Variants in UNC13C observed in about 807,000 individuals in gnomAD.
UNC13C encodes the protein protein unc-13 homolog C.
Under a neutral mutation model 245.4 loss-of-function variants are expected in UNC13C, and 174 were observed. The observed-to-expected ratio is 0.71, with a 90% confidence interval of 0.63 to 0.80. UNC13C has a LOEUF of 0.80. UNC13C is among the 30% of genes least tolerant of loss of function. The pLI is 0.00. For synonymous variants in UNC13C, 992 were observed against 895.1 expected, an observed-to-expected ratio of 1.11 and a Z score of -1.93; for missense variants, 2,829 against 2,602.9, an observed-to-expected ratio of 1.09 and a Z score of -1.89.
chr15:53,915,904 C>A, the UNC13C span, among the ~76,000 whole-genome samples: 1 of 152,096 alleles, frequency 6.6e-6, no homozygotes, highest in African/African-American at 2.4e-5. Flanking sequence ...TGGAAAAGTA[C>A]TTGTGGGATG....
intron 26 of UNC13C, among the ~76,000 whole-genome samples, chr15:54,542,550 T>C (rs1164409272): frequency 6.6e-6 from 1 of 152,144 alleles, no homozygotes; most frequent in Non-Finnish European, 1.5e-5. Flanking sequence ...GTCCGGAATA[T>C]CCTTGTTAAT....
At chr15:54,173,685 G>T (rs553091248) in intron 4 of UNC13C, among the ~76,000 whole-genome samples, 1 of 152,018 alleles carries the variant, frequency 6.6e-6, no homozygotes, top group Admixed American at 6.6e-5. Context: ...CCTTTCCAAA[G>T]TGTATGGGTT....
intron 15 of UNC13C, among the ~76,000 whole-genome samples, chr15:54,332,700 T>C (rs904425135): frequency 4.0e-5 from 6 of 151,764 alleles, no homozygotes; most frequent in African/African-American, 1.4e-4. Context: ...TTACAAAATA[T>C]CTTAGTTATA....
chr15:54,527,637 T>C (rs185791831), intron 25 of UNC13C, among the ~76,000 whole-genome samples: 1 of 152,136 alleles, frequency 6.6e-6, no homozygotes, highest in Admixed American at 6.5e-5. Context: ...AAAGAAGGAG[T>C]AGTATCCTTA....
At chr15:54,616,765 G>A (rs1197420089) in intron 30 of UNC13C, among the ~76,000 whole-genome samples, 4 of 152,002 alleles carry the variant, frequency 2.6e-5, no homozygotes, top group African/African-American at 7.2e-5. Context: ...TGTAGCCTAA[G>A]TGTTTAGAGA....
chr15:53,971,861 T>C, the UNC13C span, among the ~76,000 whole-genome samples: 2 of 152,198 alleles, frequency 1.3e-5, no homozygotes, highest in African/African-American at 4.8e-5. Context: ...GAACAGCTGA[T>C]ACTGTCAAGT....
rs770443129 is a variant in UNC13C at position 53,978,465 on chromosome 15, G to T, written c.-719G>T. ...CAGAAAAGACTCAGCCGCAGCCGGC[G>T]ATGTGTGAAGTTCCCAGCACGCACT... On this transcript the variant is annotated 5_prime_UTR_variant, in exon 1 of 33. Transcript: ENST00000260323. 3.3e-5 allele frequency among the ~76,000 whole-genome samples: 5 copies of T among 152,198 alleles called. No homozygotes were observed. The highest frequency in any genetic ancestry group is 4.4e-5 in the Non-Finnish European group (3 of 68,036).
intron 30 of UNC13C, among the ~76,000 whole-genome samples, chr15:54,621,758 C>T (rs972624650): frequency 6.6e-6 from 1 of 152,180 alleles, no homozygotes; most frequent in South Asian, 2.1e-4. Flanking sequence ...ACCGAAATCA[C>T]AGGCCCTTTC....
chr15:54,586,813 A>C (rs1184845471), intron 30 of UNC13C, among the ~76,000 whole-genome samples: 1 of 152,244 alleles, frequency 6.6e-6, no homozygotes, highest in African/African-American at 2.4e-5. Context: ...AGAAGAAACC[A>C]GCCAGCTCCT....
chr15:54,340,480 A>T (rs1011110518), intron 17 of UNC13C, among the ~76,000 whole-genome samples: 1 of 152,118 alleles, frequency 6.6e-6, no homozygotes, highest in Non-Finnish European at 1.5e-5. Flanking sequence ...AGAGATGAAG[A>T]TCCAGTTTCA....
intron 2 of UNC13C, among the ~76,000 whole-genome samples, chr15:54,019,276 G>T (rs1895793034): frequency 6.6e-6 from 1 of 152,138 alleles, no homozygotes; most frequent in Non-Finnish European, 1.5e-5. Flanking sequence ...TTCAAAGGTT[G>T]TTTTTATTCA....
At chr15:54,128,711 C>A (rs1431183812) in intron 2 of UNC13C, among the ~76,000 whole-genome samples, 3 of 152,158 alleles carry the variant, frequency 2.0e-5, no homozygotes, top group Non-Finnish European at 4.4e-5. Flanking sequence ...GGTTCTTTAG[C>A]CTGCCCCCAC....
chr15:54,106,582 A>G (rs745612063), intron 2 of UNC13C, among the ~76,000 whole-genome samples: 8 of 152,132 alleles, frequency 5.3e-5, no homozygotes, highest in Non-Finnish European at 1.2e-4. Context: ...AAAAAAAATT[A>G]TCTCCCATCT....
intron 24 of UNC13C, among the ~76,000 whole-genome samples, chr15:54,518,045 T>A (rs1895056418): frequency 6.6e-6 from 1 of 152,170 alleles, no homozygotes; most frequent in African/African-American, 2.4e-5. Flanking sequence ...TGCTGGCCTT[T>A]TATTGTGGCA....
At chr15:54,222,070 C>T (rs2035243911) in intron 4 of UNC13C, among the ~76,000 whole-genome samples, 1 of 152,026 alleles carries the variant, frequency 6.6e-6, no homozygotes, top group Admixed American at 6.6e-5. Context: ...GGATATCCAT[C>T]AACTCAAGAA....
intron 2 of UNC13C, among the ~76,000 whole-genome samples, chr15:54,125,006 A>C (rs1370247093): frequency 6.6e-6 from 1 of 152,192 alleles, no homozygotes; most frequent in East Asian, 1.9e-4. Flanking sequence ...ATGCCATTCC[A>C]TTTACCAGTA....
intron 2 of UNC13C, among the ~76,000 whole-genome samples, chr15:54,128,489 C>T (rs2141209264): frequency 6.6e-6 from 1 of 152,272 alleles, no homozygotes. Context: ...TGAACATTTG[C>T]ATCTGTTGAT....
intron 16 of UNC13C, 32 bp downstream of exon 16, chr15:54,333,888 T>A (rs768485918): frequency 5.4e-5 from 81 of 1,495,498 alleles, no homozygotes; most frequent in Admixed American, 2.1e-4. Context: ...ACTGTTTTGT[T>A]GTGACATAGA....
the UNC13C span, among the ~76,000 whole-genome samples, chr15:53,924,379 A>G: frequency 0.22 from 34,053 of 152,162 alleles, 4,824 homozygotes; most frequent in Non-Finnish European, 0.31. Flanking sequence ...AAAGGGAGGA[A>G]TGATGCTTTC....
Sources: gnomAD v4.1 joint callset for allele counts (sites outside exome capture counted in the v4.1 genomes callset) on GRCh38, gnomAD v4.1.1 for gene constraint, MANE v1.5 for transcripts, NCBI Gene and HGNC (gene_info 2026-07-23, HGNC 2026-07-21) for gene names.